The following JADE1 variants were observed in gnomAD, a reference collection of about 807,000 sequenced individuals.
The protein encoded by JADE1 is protein Jade-1.
A neutral mutation model predicts 81.8 loss-of-function variants in JADE1; 14 were observed. The ratio of observed to expected loss-of-function variants is 0.17; its 90% CI spans 0.11 to 0.27. The LOEUF (loss-of-function observed/expected upper bound fraction) is 0.27. JADE1 is among the 10% of genes least tolerant of loss of function. JADE1 has a pLI of 1.00. For missense variants in JADE1, 690 were observed against 1,047.9 expected, an observed-to-expected ratio of 0.66 and a Z score of 4.71; for synonymous variants, 353 against 391.9, an observed-to-expected ratio of 0.90 and a Z score of 1.17.
intron 8 of JADE1, among the ~76,000 whole-genome samples, chr4:128,861,485 G>C (rs1277449599): frequency 2.6e-5 from 4 of 152,090 alleles, no homozygotes; most frequent in Non-Finnish European, 5.9e-5. Context: ...GGCAACATAG[G>C]GAGACCTCAT....
At chr4:128,811,859 G>C (rs1010794698) in intron 1 of JADE1, 8 of 152,002 alleles carry the variant, frequency 5.3e-5, no homozygotes, top group Non-Finnish European at 7.4e-5. Flanking sequence ...ACAGTTTCCA[G>C]AACTGTCTGG....
intron 1 of JADE1, among the ~76,000 whole-genome samples, chr4:128,815,336 G>A (rs929762582): frequency 6.6e-6 from 1 of 151,902 alleles, no homozygotes; most frequent in African/African-American, 2.4e-5. Flanking sequence ...TCCTGACCTC[G>A]TGATCCGCCC....
chr4:128,852,331 T>C (rs895954921), intron 6 of JADE1, 63 bp downstream of exon 6: 5 of 1,346,420 alleles, frequency 3.7e-6, no homozygotes, highest in Admixed American at 1.7e-5. Context: ...GCTGTGGGAG[T>C]GTATGCCTGG....
intron 1 of JADE1, among the ~76,000 whole-genome samples, chr4:128,830,902 C>T (rs1336750379): frequency 1.3e-5 from 2 of 152,186 alleles, no homozygotes; most frequent in Non-Finnish European, 2.9e-5. Context: ...ATTCTGTTAT[C>T]ATCAGCTACC....
intron 1 of JADE1, among the ~76,000 whole-genome samples, chr4:128,823,718 T>C (rs1727785320): frequency 6.6e-6 from 1 of 152,270 alleles, no homozygotes; most frequent in Admixed American, 6.5e-5. Context: ...GTCAGTTAAA[T>C]GTATGACTTT....
At chr4:128,823,140 C>A (rs1337895892) in intron 1 of JADE1, among the ~76,000 whole-genome samples, 2 of 152,130 alleles carry the variant, frequency 1.3e-5, no homozygotes, top group Admixed American at 1.3e-4. Context: ...AAAATACATT[C>A]CAAGTACAAA....
chr4:128,816,342 A>G (rs1444239146), intron 1 of JADE1: 2 of 152,152 alleles, frequency 1.3e-5, no homozygotes, highest in African/African-American at 4.8e-5. Flanking sequence ...TGTATGCATT[A>G]TTTTTATTTT....
intron 7 of JADE1, among the ~76,000 whole-genome samples, chr4:128,856,176 A>G (rs2125877276): frequency 6.6e-6 from 1 of 152,312 alleles, no homozygotes; most frequent in South Asian, 2.1e-4. Flanking sequence ...ACTGGGATTT[A>G]GTGGGTGGGT....
In JADE1 at chr4:128,846,259, C is replaced by A; in HGVS notation, c.139-116C>A. On this transcript the variant is annotated intron_variant, in intron 3 of 10. Transcript: ENST00000226319. The surrounding 1 kb of genome is among the most constrained non-coding windows in gnomAD (Gnocchi z 4.0). ...TTTTCTGTAATAGGTCAGGCTTGTT[C>A]TATGTTGATACAGTGACCTTGTTAC... 2 of 1,051,068 alleles carry A rather than the reference C, an allele frequency of 1.9e-6. No individual in the cohort carries two copies. The highest frequency in any genetic ancestry group is 2.8e-6 in the Non-Finnish European group (2 of 702,032). The allele number at this position is 1,051,068 out of a possible 1,614,324, so 65.1% of individuals were successfully genotyped here. A position where few individuals can be genotyped will look rare whatever the true frequency, so the allele number is the denominator to read the frequency against.
intron 1 of JADE1, among the ~76,000 whole-genome samples, chr4:128,821,224 T>C (rs1727537692): frequency 6.6e-6 from 1 of 152,182 alleles, no homozygotes; most frequent in Admixed American, 6.5e-5. Context: ...ACCCTAGCTT[T>C]CCCTGATAAA....
intron 5 of JADE1, among the ~76,000 whole-genome samples, chr4:128,850,509 G>A (rs1331764176): frequency 6.6e-6 from 1 of 152,118 alleles, no homozygotes; most frequent in East Asian, 1.9e-4. Flanking sequence ...TCTTCTACTC[G>A]CTCAGTTACT....
intron 7 of JADE1, among the ~76,000 whole-genome samples, chr4:128,857,100 A>G (rs1730860709): frequency 6.6e-6 from 1 of 152,144 alleles, no homozygotes; most frequent in Non-Finnish European, 1.5e-5. Flanking sequence ...GTGAAAACTC[A>G]GTTATCTAAG....
At chr4:128,848,038 G>A (rs1358285019) in intron 4 of JADE1, among the ~76,000 whole-genome samples, 1 of 152,098 alleles carries the variant, frequency 6.6e-6, no homozygotes, top group Non-Finnish European at 1.5e-5. Flanking sequence ...GTTAAAGGTC[G>A]GGAGAGATTG....
Position 128,846,622 on chromosome 4 carries a change from G to C in JADE1, c.296+90G>C. ...ATCTGAGAAGAGACAATTTCTGTGG[G>C]AAGAGACAGTTTCTGAGTTAGCATT... On this transcript the variant is annotated intron_variant, in intron 4 of 10. Coordinates refer to ENST00000226319, the MANE Select transcript of JADE1 (RefSeq NM_199320.4). The surrounding 1 kb of genome is among the most constrained non-coding windows in gnomAD (Gnocchi z 4.0). 7.2e-7 allele frequency: 1 copy of C among 1,380,824 alleles called. No homozygotes were observed. Among genetic ancestry groups the C allele is most frequent in the East Asian group, 2.3e-5 (1 of 43,102 alleles). The allele number at this position is 1,380,824 out of a possible 1,614,324, so 85.5% of individuals were successfully genotyped here.
chr4:128,826,126 A>G (rs1376453303), intron 1 of JADE1, among the ~76,000 whole-genome samples: 2 of 152,192 alleles, frequency 1.3e-5, no homozygotes, highest in Non-Finnish European at 2.9e-5. Flanking sequence ...TCTCGTGGCA[A>G]GTGGACACTC....
rs112574027 is a variant in JADE1, at chr4:128,841,161, C to T, written c.53-1792C>T. Among the ~76,000 whole-genome samples the T allele has an allele frequency of 2.2e-4, 33 of 152,306 alleles. 1 individual carries two copies. Among genetic ancestry groups the T allele is most frequent in the African/African-American group, 7.5e-4 (31 of 41,572 alleles). ...ATTTCACTGGCAGAATGGCAGTTAA[C>T]CTTAAGCTTTTTTGGCTTTTATTTT... On this transcript the variant is annotated intron_variant, in intron 2 of 10. Transcript: ENST00000226319.
At chr4:128,854,187 A>G (rs1416391919) in intron 6 of JADE1, among the ~76,000 whole-genome samples, 1 of 151,280 alleles carries the variant, frequency 6.6e-6, no homozygotes, top group South Asian at 2.1e-4. Flanking sequence ...GGCTTGTGCA[A>G]GCTCTCACGG....
At chr4:128,838,860 T>G (rs2125841406) in intron 2 of JADE1, among the ~76,000 whole-genome samples, 1 of 152,338 alleles carries the variant, frequency 6.6e-6, no homozygotes, top group East Asian at 1.9e-4. Context: ...TTTGAGTCTC[T>G]AGCCTGTGGC....
Position 128,822,592 on chromosome 4 carries a change from G to A in JADE1, c.-26-9141G>A, listed in dbSNP as rs569360906. ...AAATTAGCCGGGCGTGGTGGCACAT[G>A]CCTGTAATCCCAGCTACTAGGGAGG... On this transcript the variant is annotated intron_variant, in intron 1 of 10. Transcript: ENST00000226319. Among the ~76,000 whole-genome samples, 509 of 151,940 alleles carry A rather than the reference G, an allele frequency of 3.4e-3. 2 individuals carry two copies. The highest frequency in any genetic ancestry group is 0.022 in the South Asian group (106 of 4,800).
Sources: gnomAD v4.1 joint callset for allele counts (sites outside exome capture counted in the v4.1 genomes callset) on GRCh38, gnomAD v4.1.1 for gene constraint, Gnocchi (gnomAD v3.1) non-coding constraint, MANE v1.5 for transcripts, NCBI Gene and HGNC (gene_info 2026-07-23, HGNC 2026-07-21) for gene names.